Variants in ST7L observed in about 807,000 individuals in gnomAD.
ST7L encodes suppressor of tumorigenicity 7 protein-like.
Under a neutral mutation model 72.5 loss-of-function variants are expected in ST7L, and 57 were observed. The ratio of observed to expected loss-of-function variants is 0.79; its 90% CI spans 0.64 to 0.98. ST7L has a LOEUF of 0.98. Ranked by LOEUF, ST7L falls within the 50% of genes least tolerant of loss-of-function variation. The pLI is 0.00. For synonymous variants in ST7L, 221 were observed against 240.9 expected, an observed-to-expected ratio of 0.92 and a Z score of 0.77; for missense variants, 576 against 672.2, an observed-to-expected ratio of 0.86 and a Z score of 1.58.
intron 6 of ST7L, among the ~76,000 whole-genome samples, chr1:112,590,681 T>C (rs1204808495): frequency 6.6e-6 from 1 of 152,194 alleles, no homozygotes; most frequent in East Asian, 1.9e-4. Context: ...TCCTTGTAAA[T>C]AGTAAGTTGC....
chr1:112,610,203 G>A (rs1243697224), intron 3 of ST7L, among the ~76,000 whole-genome samples: 1 of 152,162 alleles, frequency 6.6e-6, no homozygotes, highest in Non-Finnish European at 1.5e-5. Context: ...GAGGGAAGTA[G>A]TGACCTTACC....
intron 11 of ST7L, among the ~76,000 whole-genome samples, chr1:112,560,120 C>G (rs769409022): frequency 6.6e-6 from 1 of 152,184 alleles, no homozygotes; most frequent in African/African-American, 2.4e-5. Flanking sequence ...TCGGGCCAGG[C>G]GCAGTGGTTC....
chr1:112,568,888 A>ATATATATATAT (rs1557994022), intron 11 of ST7L, among the ~76,000 whole-genome samples: 8 of 132,174 alleles, frequency 6.1e-5, no homozygotes, highest in African/African-American at 1.5e-4. Flanking sequence ...ATATATATAT[A>ATATATATATAT]AAACAAAAAT....
intron 11 of ST7L, among the ~76,000 whole-genome samples, chr1:112,565,792 G>T (rs1037175213): frequency 1.3e-5 from 2 of 152,046 alleles, no homozygotes; most frequent in African/African-American, 4.8e-5. Flanking sequence ...CAAGGTGGGC[G>T]GACTGCTTGA....
chr1:112,609,358 C>A (rs1668719002), intron 3 of ST7L, among the ~76,000 whole-genome samples: 1 of 151,832 alleles, frequency 6.6e-6, no homozygotes, highest in South Asian at 2.1e-4. Context: ...ATGGTGAAAC[C>A]CATCTCTACT....
chr1:112,551,600 C>T (rs1301369575), intron 12 of ST7L, among the ~76,000 whole-genome samples: 4 of 147,504 alleles, frequency 2.7e-5, no homozygotes, highest in Non-Finnish European at 6.1e-5. Context: ...TTACAAGAAT[C>T]GAGTAGCTGT....
chr1:112,518,745 G>A (rs1004741010), downstream of ST7L, among the ~76,000 whole-genome samples: 4 of 152,116 alleles, frequency 2.6e-5, no homozygotes, highest in Non-Finnish European at 4.4e-5. Context: ...TTTTCTCAGA[G>A]GCATAAAATT....
At chr1:112,543,445 A>G (rs1411079750) in intron 13 of ST7L, among the ~76,000 whole-genome samples, 1 of 152,178 alleles carries the variant, frequency 6.6e-6, no homozygotes, top group African/African-American at 2.4e-5. Context: ...CTACTCAGGA[A>G]GGCTGAGCAG....
intron 2 of ST7L, among the ~76,000 whole-genome samples, chr1:112,614,210 T>TCA (rs1409898459): frequency 6.6e-6 from 1 of 151,370 alleles, no homozygotes; most frequent in Non-Finnish European, 1.5e-5. Flanking sequence ...TTCCACTATA[T>TCA]CAGCTGCTTA....
At chr1:112,529,768 AAAAAG>A (rs1440313173) in intron 14 of ST7L, 2 of 152,040 alleles carry the variant, frequency 1.3e-5, no homozygotes, top group East Asian at 3.8e-4. Context: ...AAAAAAAAAA[AAAAAG>A]GTAACTATGC....
chr1:112,522,805 C>T (rs1652954414), downstream of ST7L: 1 of 152,202 alleles, frequency 6.6e-6, no homozygotes, highest in Non-Finnish European at 1.5e-5. Flanking sequence ...AGAAATGGGC[C>T]TGAGTGAGTC....
At chr1:112,552,967 T>G (rs1261282823) in intron 12 of ST7L, among the ~76,000 whole-genome samples, 1 of 150,896 alleles carries the variant, frequency 6.6e-6, no homozygotes, top group Non-Finnish European at 1.5e-5. Flanking sequence ...GAAAATAAAA[T>G]CATACACTTA....
chr1:112,577,222 C>CAAAAAA (rs879471946), intron 10 of ST7L, 134 bp from the exon 11 acceptor site: 261 of 302,764 alleles, frequency 8.6e-4, no homozygotes, highest in African/African-American at 6.4e-3. Flanking sequence ...AGAGGACTAA[C>CAAAAAA]AAAAAAAAAA....
chr1:112,619,614 C>T, upstream of ST7L: 1 of 561,482 alleles, frequency 1.8e-6, no homozygotes, highest in South Asian at 2.2e-5. Flanking sequence ...GAGTGTAACT[C>T]ATTGGGAAAG....
intron 12 of ST7L, among the ~76,000 whole-genome samples, chr1:112,550,964 T>C (rs1658023449): frequency 6.6e-6 from 1 of 152,058 alleles, no homozygotes; most frequent in South Asian, 2.1e-4. Flanking sequence ...GTCTCCTCAT[T>C]ACAAACACAA....
chr1:112,590,979 G>A (rs1180441111), intron 6 of ST7L, among the ~76,000 whole-genome samples: 1 of 141,798 alleles, frequency 7.1e-6, no homozygotes, highest in Admixed American at 7.3e-5. Context: ...CGCCCAAGCT[G>A]GAGTGCAGTG....
chr1:112,542,142 C>G (rs772289474), intron 13 of ST7L, 52 bp from the exon 14 acceptor site: 1 of 1,479,774 alleles, frequency 6.8e-7, no homozygotes, highest in African/African-American at 1.4e-5. Context: ...AACATGTAAA[C>G]AAGTCTTAAT....
intron 13 of ST7L, among the ~76,000 whole-genome samples, chr1:112,542,487 G>T (rs777403212): frequency 7.9e-5 from 12 of 152,212 alleles, no homozygotes; most frequent in African/African-American, 2.9e-4. Flanking sequence ...GCCACAGGTG[G>T]TGGTTCACGT....
chr1:112,581,272 T>G (rs931910731), intron 9 of ST7L, among the ~76,000 whole-genome samples: 1 of 152,194 alleles, frequency 6.6e-6, no homozygotes, highest in African/African-American at 2.4e-5. Flanking sequence ...ACCCCTACTA[T>G]GTGCACAGCA....
Sources: allele counts gnomAD v4.1 joint callset (sites outside exome capture counted in the v4.1 genomes callset), GRCh38; gene constraint gnomAD v4.1.1; transcripts MANE v1.5; gene names NCBI Gene and HGNC (gene_info 2026-07-23, HGNC 2026-07-21).